RASGRP1: variants seen among roughly 807,000 people sequenced by gnomAD.
RASGRP1 encodes the protein RAS guanyl-releasing protein 1.
In RASGRP1, 37 loss-of-function variants were observed where a neutral mutation model predicts 95.1. The ratio of observed to expected loss-of-function variants is 0.39; its 90% CI spans 0.30 to 0.51. The LOEUF is 0.51. Ranked by LOEUF, RASGRP1 falls within the 20% of genes least tolerant of loss-of-function variation. The probability of loss-of-function intolerance (pLI) is 0.80; values close to 1 mark genes in which losing one functional copy is unlikely to be tolerated. For synonymous variants in RASGRP1, 325 were observed against 353.4 expected (o/e 0.92, Z 0.90); for missense variants, 711 against 965.4 (o/e 0.74, Z 3.49).
At chr15:38,555,240 T>C (rs1186046545) in intron 2 of RASGRP1, among the ~76,000 whole-genome samples, 2 of 152,216 alleles carry the variant, frequency 1.3e-5, no homozygotes, top group Non-Finnish European at 2.9e-5. Flanking sequence ...AACATACTTA[T>C]TAGTTTTGGG....
chr15:38,523,341 G>C (rs537791134), intron 3 of RASGRP1, among the ~76,000 whole-genome samples: 1 of 152,180 alleles, frequency 6.6e-6, no homozygotes, highest in South Asian at 2.1e-4. Context: ...GTGTATACTT[G>C]TGTCTTAGAT....
intron 2 of RASGRP1, among the ~76,000 whole-genome samples, chr15:38,546,134 A>G (rs1893093859): frequency 6.6e-6 from 1 of 152,252 alleles, no homozygotes; most frequent in South Asian, 2.1e-4. Flanking sequence ...TAACAAGTCT[A>G]TACTAATAAT....
chr15:38,545,732 A>G (rs1486145116), intron 2 of RASGRP1, among the ~76,000 whole-genome samples: 1 of 152,172 alleles, frequency 6.6e-6, no homozygotes, highest in Non-Finnish European at 1.5e-5. Flanking sequence ...ATAGTCTCCT[A>G]AAAGTATTAT....
intron 16 of RASGRP1, among the ~76,000 whole-genome samples, chr15:38,493,828 A>G (rs1031220150): frequency 6.6e-6 from 1 of 152,068 alleles, no homozygotes; most frequent in African/African-American, 2.4e-5. Context: ...GCCACAATAC[A>G]CTCACCTTTC....
chr15:38,536,082 G>A (rs894199986), intron 2 of RASGRP1, among the ~76,000 whole-genome samples: 9 of 152,202 alleles, frequency 5.9e-5, no homozygotes, highest in East Asian at 1.9e-4. Flanking sequence ...AGTCAGTGCC[G>A]ACTGAATATA....
chr15:38,534,740 G>A (rs1892575673), intron 2 of RASGRP1: 1 of 152,212 alleles, frequency 6.6e-6, no homozygotes, highest in African/African-American at 2.4e-5. Flanking sequence ...CCCAGACAAA[G>A]GTGATTTGTT....
chr15:38,548,696 A>G (rs1432556449), intron 2 of RASGRP1, among the ~76,000 whole-genome samples: 1 of 152,126 alleles, frequency 6.6e-6, no homozygotes, highest in East Asian at 1.9e-4. Context: ...ATCCATCTAT[A>G]CTCCTATGAG....
At chr15:38,552,490 C>T (rs1380812334) in intron 2 of RASGRP1, among the ~76,000 whole-genome samples, 2 of 152,092 alleles carry the variant, frequency 1.3e-5, no homozygotes, top group South Asian at 2.1e-4. Context: ...TTGATTTCCA[C>T]GGTGTAAATA....
chr15:38,524,642 C>A (rs911264514), intron 3 of RASGRP1, among the ~76,000 whole-genome samples: 1 of 152,066 alleles, frequency 6.6e-6, no homozygotes, highest in Non-Finnish European at 1.5e-5. Context: ...CACACAGTTA[C>A]GAAGTGAGGA....
rs577792658 is a variant in RASGRP1, at chr15:38,562,440, G to A, written c.35+2154C>T. 5.9e-5 allele frequency among the ~76,000 whole-genome samples: 9 copies of A among 152,316 alleles called. No homozygotes were observed. The South Asian group carries it at 1.7e-3, about 28-fold the overall frequency. On this transcript the variant is annotated intron_variant, in intron 1 of 16. Coordinates refer to ENST00000310803, the MANE Select transcript of RASGRP1 (RefSeq NM_005739.4). Reference sequence around the variant, plus strand: ...CAGCCCCTTGTGGCCCATGCAGTGCGCCCCAGGTGGGCGCCCTTCCCTTCC... The same window carrying A: ...CAGCCCCTTGTGGCCCATGCAGTGCACCCCAGGTGGGCGCCCTTCCCTTCC...
intron 8 of RASGRP1, among the ~76,000 whole-genome samples, chr15:38,508,520 G>C (rs1891358335): frequency 6.6e-6 from 1 of 152,180 alleles, no homozygotes; most frequent in African/African-American, 2.4e-5. Flanking sequence ...GTAGTCTATT[G>C]TGTGTTATTC....
intron 2 of RASGRP1, among the ~76,000 whole-genome samples, chr15:38,550,655 T>C (rs1449334682): frequency 6.6e-6 from 1 of 152,200 alleles, no homozygotes; most frequent in Non-Finnish European, 1.5e-5. Context: ...TAAATAATAA[T>C]ATTGATTTCA....
chr15:38,508,534 A>G (rs933735328), intron 8 of RASGRP1, among the ~76,000 whole-genome samples: 1 of 152,310 alleles, frequency 6.6e-6, no homozygotes, highest in African/African-American at 2.4e-5. Context: ...GTTATTCTCT[A>G]TGAGGTGCTT....
intron 12 of RASGRP1, among the ~76,000 whole-genome samples, chr15:38,501,597 G>T (rs1029791615): frequency 1.3e-5 from 2 of 152,170 alleles, no homozygotes; most frequent in African/African-American, 2.4e-5. Context: ...ATGTGTATAG[G>T]GAGGGAAATG....
chr15:38,498,779 C>T lies in RASGRP1; in HGVS notation c.1873+15G>A, dbSNP rs761849236. 6 of 1,609,194 alleles carry T rather than the reference C, an allele frequency of 3.7e-6. No homozygotes were observed. The highest frequency in any genetic ancestry group is 5.1e-6 in the Non-Finnish European group (6 of 1,178,022). ...ACTTCACTTTCCAAGATGAATGTTC[C>T]CAGTGCCTACTTACCATGGAGCAGA... is the stretch of plus-strand genomic sequence containing the variant. On this transcript the variant is annotated intron_variant, in intron 15 of 16. Coordinates refer to ENST00000310803, the MANE Select transcript of RASGRP1 (RefSeq NM_005739.4).
chr15:38,516,279 G>C lies in RASGRP1; in HGVS notation c.593C>G (p.Ser198Cys), dbSNP rs1304943483. 1 of 1,604,050 alleles carries C rather than the reference G, an allele frequency of 6.2e-7. No individual in the cohort carries two copies. The change falls in exon 6 of 17, where the codon TCC becomes TGC. Residue 198 changes from serine (S) to cysteine (C), a missense_variant. Coordinates refer to ENST00000310803, the MANE Select transcript of RASGRP1 (RefSeq NM_005739.4). ...TGGTTCCAGATGGTCAAAGAGCAGG[G>C]AGACTTTCCGTTTCTTGCTGGTATT... ...KSNTSKKRKV[S>C]LLFDHLEPEE...
At chr15:38,562,603 A>T (rs184726050) in intron 1 of RASGRP1, among the ~76,000 whole-genome samples, 145 of 152,332 alleles carry the variant, frequency 9.5e-4, no homozygotes, top group African/African-American at 1.3e-3. Flanking sequence ...TTAAAAAAAT[A>T]AAGTCATTCA....
At chr15:38,510,413 C>T (rs1432231580) in intron 8 of RASGRP1, among the ~76,000 whole-genome samples, 3 of 152,202 alleles carry the variant, frequency 2.0e-5, no homozygotes, top group African/African-American at 7.2e-5. Flanking sequence ...GGGGCCTCCC[C>T]AGAGGCCCAG....
chr15:38,558,620 C>A (rs1046594715), intron 2 of RASGRP1, among the ~76,000 whole-genome samples: 1 of 152,090 alleles, frequency 6.6e-6, no homozygotes, highest in Admixed American at 6.5e-5. Flanking sequence ...GGGTTGGGGC[C>A]CAGCAATGTG....
Sources: allele counts gnomAD v4.1 joint callset (sites outside exome capture counted in the v4.1 genomes callset), GRCh38; gene constraint gnomAD v4.1.1; transcripts MANE v1.5; gene names NCBI Gene and HGNC (gene_info 2026-07-23, HGNC 2026-07-21).